MTHFD2L: variants seen among roughly 807,000 people sequenced by gnomAD.
MTHFD2L encodes bifunctional methylenetetrahydrofolate dehydrogenase/cyclohydrolase 2, mitochondrial.
A neutral mutation model predicts 34.9 loss-of-function variants in MTHFD2L; 29 were observed. The ratio of observed to expected loss-of-function variants is 0.83; its 90% CI spans 0.62 to 1.13. The LOEUF is 1.13. Among genes scored for constraint, MTHFD2L ranks in the 50% most tolerant of loss-of-function variants. The probability of loss-of-function intolerance (pLI) is 0.00; values close to 1 mark genes in which losing one functional copy is unlikely to be tolerated. For missense variants in MTHFD2L, 481 were observed against 446.5 expected, an observed-to-expected ratio of 1.08 and a Z score of -0.70; for synonymous variants, 167 against 155.7, an observed-to-expected ratio of 1.07 and a Z score of -0.54.
intron 1 of MTHFD2L, chr4:74,160,177 G>C (rs1725117378): frequency 1.0e-6 from 1 of 995,288 alleles, no homozygotes; most frequent in Non-Finnish European, 1.4e-6. Context: ...GTTCTTCATA[G>C]TTAATGTGGT....
At chr4:74,250,384 T>C (rs1743133527) in intron 6 of MTHFD2L, among the ~76,000 whole-genome samples, 1 of 152,108 alleles carries the variant, frequency 6.6e-6, no homozygotes, top group African/African-American at 2.4e-5. Context: ...CTAACACTTA[T>C]CATTACCCAA....
chr4:74,248,134 A>G (rs996698087), intron 6 of MTHFD2L, among the ~76,000 whole-genome samples: 1 of 151,396 alleles, frequency 6.6e-6, no homozygotes, highest in Non-Finnish European at 1.5e-5. Context: ...TTGGTAAGCT[A>G]TTGATTATTG....
chr4:74,264,912 G>C (rs1420849040), intron 6 of MTHFD2L, among the ~76,000 whole-genome samples: 1 of 152,062 alleles, frequency 6.6e-6, no homozygotes, highest in East Asian at 1.9e-4. Flanking sequence ...ATTTGAAGGA[G>C]TAATAAGAAA....
intron 1 of MTHFD2L, among the ~76,000 whole-genome samples, chr4:74,128,572 G>A (rs1442918638): frequency 6.6e-6 from 1 of 151,926 alleles, no homozygotes; most frequent in Non-Finnish European, 1.5e-5. Flanking sequence ...TTCCATTAGT[G>A]TACATGTCTG....
intron 6 of MTHFD2L, among the ~76,000 whole-genome samples, chr4:74,228,747 A>G (rs527805200): frequency 5.3e-5 from 8 of 152,334 alleles, no homozygotes; most frequent in Non-Finnish European, 8.8e-5. Context: ...GAAAAAGAAA[A>G]GGAAAATAAA....
chr4:74,292,887 CATGTGCACA>C (rs1749134634), intron 7 of MTHFD2L, among the ~76,000 whole-genome samples: 1 of 151,818 alleles, frequency 6.6e-6, no homozygotes, highest in African/African-American at 2.4e-5. Context: ...TTTTAGGGTA[CATGTGCACA>C]ATGTGCAGGT....
At chr4:74,201,783 A>C (rs552661362) in intron 5 of MTHFD2L, among the ~76,000 whole-genome samples, 2 of 152,152 alleles carry the variant, frequency 1.3e-5, no homozygotes, top group Non-Finnish European at 2.9e-5. Flanking sequence ...TGAGGCTTAG[A>C]GTTGTTATCT....
At chr4:74,134,950 G>GA (rs1722803262) in intron 1 of MTHFD2L, among the ~76,000 whole-genome samples, 1 of 151,256 alleles carries the variant, frequency 6.6e-6, no homozygotes, top group African/African-American at 2.4e-5. Context: ...AATGAGAGAA[G>GA]GCCACTTACA....
In MTHFD2L at chr4:74,301,833, C is replaced by G. The variant is rs368201033; in HGVS notation, c.*24C>G. The stretch of plus-strand genomic sequence containing the variant: ...AGATCACATGAAAGGATAAAGCAAA[C>G]TGAAGTCATGCTATTTGTTTATTTG... On this transcript the variant is annotated 3_prime_UTR_variant, in exon 8 of 8. Coordinates refer to ENST00000325278, the MANE Select transcript of MTHFD2L (RefSeq NM_001144978.3). 154 of 1,426,846 alleles carry G rather than the reference C, an allele frequency of 1.1e-4. No individual in the cohort carries two copies. The highest frequency in any genetic ancestry group is 1.4e-4 in the Non-Finnish European group (147 of 1,026,424). 88.4% of individuals were successfully genotyped at this position (1,426,846 alleles called of 1,614,324 possible). A position where few individuals can be genotyped will look rare whatever the true frequency, so the allele number is the denominator to read the frequency against.
At chr4:74,170,432 A>C (rs2109938801) in intron 1 of MTHFD2L, among the ~76,000 whole-genome samples, 2 of 152,282 alleles carry the variant, frequency 1.3e-5, no homozygotes, top group South Asian at 4.1e-4. Flanking sequence ...ATTCTCACCA[A>C]ACTAAAAATA....
intron 1 of MTHFD2L, among the ~76,000 whole-genome samples, chr4:74,148,559 T>C (rs1723748521): frequency 6.6e-6 from 1 of 151,952 alleles, no homozygotes; most frequent in African/African-American, 2.4e-5. Context: ...AGCCAATTTT[T>C]GTATTTTTTG....
intron 3 of MTHFD2L, among the ~76,000 whole-genome samples, chr4:74,177,091 G>A (rs1397475758): frequency 6.6e-6 from 1 of 151,758 alleles, no homozygotes; most frequent in Non-Finnish European, 1.5e-5. Flanking sequence ...TGAGAAAAAT[G>A]CTCTGGCAGA....
At chr4:74,133,915 T>A (rs1444528423) in intron 1 of MTHFD2L, among the ~76,000 whole-genome samples, 2 of 152,056 alleles carry the variant, frequency 1.3e-5, no homozygotes, top group Admixed American at 6.5e-5. Flanking sequence ...AGATCCTGTA[T>A]GAGGATGAGA....
upstream of MTHFD2L, among the ~76,000 whole-genome samples, chr4:74,154,383 T>C (rs1039592752): frequency 1.3e-5 from 2 of 152,176 alleles, no homozygotes; most frequent in African/African-American, 4.8e-5. Context: ...AGTGAAGAAT[T>C]CTACTCCTCC....
In MTHFD2L at chr4:74,254,226, A is replaced by G. The variant is rs182025177; in HGVS notation, c.806-27199A>G. On this transcript the variant is annotated intron_variant, in intron 6 of 7. Coordinates refer to ENST00000325278, the MANE Select transcript of MTHFD2L (RefSeq NM_001144978.3). ...AACCCCAAATAAATTAAACATAAATATTGGCTGAAAAATTTTCAAATCTGC... is the reference window on the plus strand; with the variant it reads ...AACCCCAAATAAATTAAACATAAATGTTGGCTGAAAAATTTTCAAATCTGC... 1.5e-3 allele frequency among the ~76,000 whole-genome samples: 223 copies of G among 152,352 alleles called. 1 individual carries two copies. Among genetic ancestry groups the G allele is most frequent in the African/African-American group, 5.0e-3 (209 of 41,578 alleles).
intron 1 of MTHFD2L, among the ~76,000 whole-genome samples, chr4:74,138,159 G>A (rs1207643547): frequency 6.6e-6 from 1 of 151,954 alleles, no homozygotes; most frequent in Non-Finnish European, 1.5e-5. Context: ...TCTCTGTCTT[G>A]TTAGGGTTAG....
chr4:74,218,567 C>T (rs974476648), intron 5 of MTHFD2L, among the ~76,000 whole-genome samples: 3 of 151,944 alleles, frequency 2.0e-5, no homozygotes, highest in African/African-American at 7.3e-5. Flanking sequence ...TAGGGAATGG[C>T]CCGGAAATGT....
At chr4:74,287,344 T>G (rs1748309502) in intron 7 of MTHFD2L, among the ~76,000 whole-genome samples, 1 of 152,210 alleles carries the variant, frequency 6.6e-6, no homozygotes, top group Non-Finnish European at 1.5e-5. Context: ...TGGTTCATCC[T>G]TTTTCTATTG....
chr4:74,126,286 A>G (rs1578218846), intron 1 of MTHFD2L, among the ~76,000 whole-genome samples: 1 of 152,206 alleles, frequency 6.6e-6, no homozygotes, highest in East Asian at 1.9e-4. Flanking sequence ...AAACTGCCAA[A>G]TAAAGATCAA....
Sources: allele counts gnomAD v4.1 joint callset (sites outside exome capture counted in the v4.1 genomes callset), GRCh38; gene constraint gnomAD v4.1.1; transcripts MANE v1.5; gene names NCBI Gene and HGNC (gene_info 2026-07-23, HGNC 2026-07-21).